The following KLRG1 variants were observed in gnomAD, a reference collection of about 807,000 sequenced individuals.
The protein encoded by KLRG1 is killer cell lectin-like receptor subfamily G member 1.
KLRG1 carries 16 observed loss-of-function variants against 21.8 expected under a neutral mutation model. That is an observed-to-expected ratio of 0.73 (90% CI 0.50 to 1.11). The LOEUF (loss-of-function observed/expected upper bound fraction) is 1.11. Ranked by LOEUF, KLRG1 falls within the 50% of genes most tolerant of loss-of-function variation. KLRG1 has a pLI of 0.00. For synonymous variants in KLRG1, 69 were observed against 75.9 expected (o/e 0.91, Z 0.47); for missense variants, 173 against 218.3 (o/e 0.79, Z 1.31).
chr12:9,071,511 G>T, the KLRG1 span, among the ~76,000 whole-genome samples: 1 of 152,146 alleles, frequency 6.6e-6, no homozygotes, highest in Non-Finnish European at 1.5e-5. Flanking sequence ...TGTCATGGGG[G>T]TTTGGTGTAC....
downstream of KLRG1, among the ~76,000 whole-genome samples, chr12:9,015,006 C>A (rs1947680534): frequency 6.6e-6 from 1 of 151,608 alleles, no homozygotes; most frequent in South Asian, 2.1e-4. Flanking sequence ...AAAAAACATA[C>A]AACAGATACA....
intron 1 of KLRG1, among the ~76,000 whole-genome samples, chr12:8,957,786 C>G (rs1291256409): frequency 1.3e-5 from 2 of 152,108 alleles, no homozygotes; most frequent in Non-Finnish European, 2.9e-5. Context: ...TGATTTATGT[C>G]CCAGGTGGGA....
the KLRG1 span, among the ~76,000 whole-genome samples, chr12:9,207,866 T>A: frequency 6.6e-6 from 1 of 152,200 alleles, no homozygotes; most frequent in Non-Finnish European, 1.5e-5. Context: ...ACTTGATACA[T>A]GATTGAAAAA....
At chr12:8,957,533 GT>G (rs1207381758) in intron 1 of KLRG1, among the ~76,000 whole-genome samples, 4 of 151,452 alleles carry the variant, frequency 2.6e-5, no homozygotes, top group South Asian at 2.1e-4. Flanking sequence ...GTTTTGTTTT[GT>G]TTTTTTGTTT....
At chr12:9,126,333 C>A in the KLRG1 span, among the ~76,000 whole-genome samples, 3 of 152,160 alleles carry the variant, frequency 2.0e-5, no homozygotes, top group Non-Finnish European at 4.4e-5. Flanking sequence ...TATTTCAAAA[C>A]AGTAACAACT....
At chr12:9,180,386 C>T in the KLRG1 span, among the ~76,000 whole-genome samples, 1 of 152,174 alleles carries the variant, frequency 6.6e-6, no homozygotes, top group African/African-American at 2.4e-5. Context: ...ATCACACTAC[C>T]TGACTTCAAA....
the KLRG1 span, among the ~76,000 whole-genome samples, chr12:9,206,430 C>T: frequency 6.6e-6 from 1 of 151,988 alleles, no homozygotes; most frequent in African/African-American, 2.4e-5. Flanking sequence ...CAAACTTGCC[C>T]AAGATGTCAT....
chr12:9,181,098 G>C, the KLRG1 span: 1 of 1,614,140 alleles, frequency 6.2e-7, no homozygotes, highest in Non-Finnish European at 8.5e-7. Flanking sequence ...ATGTGAGGCT[G>C]GGGGACTTTG....
At chr12:9,197,643 T>TA in the KLRG1 span, among the ~76,000 whole-genome samples, 32 of 23,898 alleles carry the variant, frequency 1.3e-3, 2 homozygotes, top group South Asian at 0.039. Context: ...TATATTATAT[T>TA]ATATAATATA....
At chr12:8,973,976 T>A (rs1946614093) in intron 1 of KLRG1, among the ~76,000 whole-genome samples, 1 of 152,140 alleles carries the variant, frequency 6.6e-6, no homozygotes, top group Admixed American at 6.5e-5. Context: ...TATATAATCA[T>A]GTCTACTGCA....
the KLRG1 span, among the ~76,000 whole-genome samples, chr12:9,126,176 A>G: frequency 6.6e-6 from 1 of 152,210 alleles, no homozygotes; most frequent in Non-Finnish European, 1.5e-5. Flanking sequence ...GAAATATTAG[A>G]GATTATTATT....
intron 1 of KLRG1, among the ~76,000 whole-genome samples, chr12:8,990,059 T>C (rs1292898048): frequency 6.6e-6 from 1 of 152,232 alleles, no homozygotes; most frequent in Non-Finnish European, 1.5e-5. Flanking sequence ...GGAGTAACCT[T>C]GGACCAGCTG....
the KLRG1 span, among the ~76,000 whole-genome samples, chr12:9,031,892 T>A: frequency 6.6e-6 from 1 of 152,202 alleles, no homozygotes; most frequent in African/African-American, 2.4e-5. Context: ...TACCATAAAC[T>A]TGGTGGCTAA....
In KLRG1 at chr12:8,965,314, A is replaced by G. The variant is rs773947447; in HGVS notation, c.-156+15078A>G. ...CCCTCTCTCACCACTCCTATTCAACATAGTGTTGGAAGTTCTGGCCAGGGC... is the reference window on the plus strand; with the variant it reads ...CCCTCTCTCACCACTCCTATTCAACGTAGTGTTGGAAGTTCTGGCCAGGGC... On this transcript the variant is annotated intron_variant, in intron 1 of 4. Transcript: ENST00000539240. 4.8e-3 allele frequency among the ~76,000 whole-genome samples: 736 copies of G among 152,268 alleles called. 10 individuals are homozygous for G. Among genetic ancestry groups the G allele is most frequent in the African/African-American group, 0.016 (676 of 41,532 alleles).
chr12:9,156,258 C>T, the KLRG1 span: 6 of 206,742 alleles, frequency 2.9e-5, no homozygotes, highest in Middle Eastern at 3.2e-3. Flanking sequence ...CCAGTACCTT[C>T]GCTTTGGGAA....
At chr12:9,054,381 G>A in the KLRG1 span, among the ~76,000 whole-genome samples, 4 of 151,862 alleles carry the variant, frequency 2.6e-5, no homozygotes, top group Non-Finnish European at 5.9e-5. Flanking sequence ...TTTTAAAAAG[G>A]CAAATTTTCC....
At chr12:9,067,950 C>A in the KLRG1 span, 2 of 1,095,204 alleles carry the variant, frequency 1.8e-6, no homozygotes, top group Non-Finnish European at 1.4e-6. Flanking sequence ...CTAATCAGTA[C>A]AGTGGGAAAC....
At chr12:8,954,476 G>GTAATCACTTCAC (rs1425263925) in intron 1 of KLRG1, among the ~76,000 whole-genome samples, 3 of 151,300 alleles carry the variant, frequency 2.0e-5, no homozygotes, top group Admixed American at 2.0e-4. Context: ...CTTGACTGAA[G>GTAATCACTTCAC]TAATCACTTC....
the KLRG1 span, among the ~76,000 whole-genome samples, chr12:9,193,727 G>A: frequency 3.3e-3 from 496 of 152,288 alleles, 4 homozygotes; most frequent in African/African-American, 0.011. Flanking sequence ...AAGTGTGTGT[G>A]TGTGTGATCA....
Sources: gnomAD v4.1 joint callset for allele counts (sites outside exome capture counted in the v4.1 genomes callset) on GRCh38, gnomAD v4.1.1 for gene constraint, MANE v1.5 for transcripts, NCBI Gene and HGNC (gene_info 2026-07-23, HGNC 2026-07-21) for gene names.